Variants in RNFT2 observed in about 807,000 individuals in gnomAD.
RNFT2 encodes the protein ring finger protein, transmembrane 2.
In RNFT2, 36 loss-of-function variants were observed where a neutral mutation model predicts 53.0. That is an observed-to-expected ratio of 0.68 (90% confidence interval 0.52 to 0.90). RNFT2 has a LOEUF of 0.90. Ranked by LOEUF, RNFT2 falls within the 40% of genes least tolerant of loss-of-function variation. RNFT2 has a pLI of 0.00. For missense variants in RNFT2, 514 were observed against 585.6 expected (o/e 0.88, Z 1.26); for synonymous variants, 260 against 253.2 (o/e 1.03, Z -0.26).
At position 116,851,540 on chromosome 12, in the gene RNFT2, ACTAG is replaced by A. The variant is rs1481243867; in HGVS notation, c.*2094_*2097del. On this transcript the variant is annotated 3_prime_UTR_variant, in exon 11 of 11. Transcript: ENST00000257575. ...GGTCACCTGAGGTCAAGAGTTCAAG[ACTAG>A]CCTGGCCAACATGGCAAAACCCCCT... 7.3e-6 allele frequency: 4 copies of A among 551,682 alleles called. No individual in the cohort carries two copies. The Admixed American group carries it at 1.3e-4, about 17-fold the overall frequency. The allele number at this position is 551,682 out of a possible 1,614,324, so 34.2% of individuals were successfully genotyped here.
rs544246356 is a variant in RNFT2 at position 116,799,503 on chromosome 12, A to G, written c.882+20155A>G. Among the ~76,000 whole-genome samples, 6 of 152,312 alleles carry G rather than the reference A, an allele frequency of 3.9e-5. No individual in the cohort carries two copies. The South Asian group carries it at 1.2e-3, about 32-fold the overall frequency. On this transcript the variant is annotated intron_variant, in intron 7 of 10. Coordinates refer to ENST00000257575, the MANE Select transcript of RNFT2 (RefSeq NM_001382266.1). ...AGATGGGAAATTTTGCTGGGTGCCC[A>G]CCGCACTATCTCAGAGGGTTGTTGT...
intron 6 of RNFT2, among the ~76,000 whole-genome samples, chr12:116,770,724 A>T (rs1873134069): frequency 6.6e-6 from 1 of 151,806 alleles, no homozygotes; most frequent in Non-Finnish European, 1.5e-5. Flanking sequence ...TGCTCAGCTA[A>T]ATTTTTTTAT....
At chr12:116,819,970 G>A (rs1219135758) in intron 7 of RNFT2, among the ~76,000 whole-genome samples, 2 of 152,190 alleles carry the variant, frequency 1.3e-5, no homozygotes, top group Non-Finnish European at 2.9e-5. Context: ...TTAGCCTAAT[G>A]TGTCCAAAAT....
At chr12:116,818,038 A>G (rs751857298) in intron 7 of RNFT2, among the ~76,000 whole-genome samples, 2 of 152,236 alleles carry the variant, frequency 1.3e-5, no homozygotes, top group Admixed American at 6.5e-5. Flanking sequence ...GAAACGGGAA[A>G]GGGCTTTCTC....
At chr12:116,744,322 C>T (rs895679071) in intron 3 of RNFT2, among the ~76,000 whole-genome samples, 1 of 152,020 alleles carries the variant, frequency 6.6e-6, no homozygotes, top group African/African-American at 2.4e-5. Context: ...CTGTTGGAAC[C>T]TTTTCCGCCT....
intron 7 of RNFT2, among the ~76,000 whole-genome samples, chr12:116,818,718 T>A (rs1875826962): frequency 6.6e-6 from 1 of 152,218 alleles, no homozygotes; most frequent in Non-Finnish European, 1.5e-5. Context: ...GGCTCTGCTG[T>A]AGAGTCAAGT....
chr12:116,770,503 C>T (rs1018107559), intron 6 of RNFT2, among the ~76,000 whole-genome samples: 5 of 152,176 alleles, frequency 3.3e-5, no homozygotes, highest in African/African-American at 9.7e-5. Flanking sequence ...TTTCCCCCAT[C>T]TGATGAATGT....
chr12:116,849,050 C>G (rs1360221376), intron 10 of RNFT2, among the ~76,000 whole-genome samples: 8 of 152,252 alleles, frequency 5.3e-5, no homozygotes, highest in African/African-American at 1.4e-4. Context: ...AAACTCCTGC[C>G]TCAGGTGATC....
rs762013507 is a variant in RNFT2, at chr12:116,743,213, T to TAAA, written c.83+2148_83+2150dup. Among the ~76,000 whole-genome samples, 63 of 10,650 alleles carry TAAA rather than the reference T, an allele frequency of 5.9e-3. 3 individuals carry two copies. Among genetic ancestry groups the TAAA allele is most frequent in the South Asian group, 6.5e-3 (1 of 154 alleles). The allele number at this position is 10,650 out of a possible 152,430, so 7.0% of individuals were successfully genotyped here. A position where few individuals can be genotyped will look rare whatever the true frequency, so the allele number is the denominator to read the frequency against. On this transcript the variant is annotated intron_variant, in intron 3 of 10. Coordinates refer to ENST00000257575, the MANE Select transcript of RNFT2 (RefSeq NM_001382266.1). ...TGATTAATAGATACCAGGTAGAATC[T>TAAA]AAAAAAAAAAAAAAAAAAAAAAAAA...
At chr12:116,829,775 T>TTCAG in intron 7 of RNFT2, among the ~76,000 whole-genome samples, 1 of 152,242 alleles carries the variant, frequency 6.6e-6, no homozygotes, top group South Asian at 2.1e-4. Context: ...GAGACAGGGT[T>TTCAG]TCACCATGTT....
chr12:116,813,060 A>G (rs111625819), intron 7 of RNFT2, among the ~76,000 whole-genome samples: 4 of 152,224 alleles, frequency 2.6e-5, no homozygotes, highest in African/African-American at 9.6e-5. Flanking sequence ...GGCTCAAGCC[A>G]TCTTCCTGCC....
intron 6 of RNFT2, among the ~76,000 whole-genome samples, chr12:116,768,831 A>G (rs1228666664): frequency 6.6e-6 from 1 of 151,146 alleles, no homozygotes; most frequent in East Asian, 2.0e-4. Context: ...CCCAGGTTCA[A>G]GTGATTCTCC....
At chr12:116,744,328 C>T (rs1197745806) in intron 3 of RNFT2, among the ~76,000 whole-genome samples, 2 of 152,068 alleles carry the variant, frequency 1.3e-5, no homozygotes, top group Non-Finnish European at 2.9e-5. Flanking sequence ...GAACCTTTTC[C>T]GCCTCTAAAG....
intron 6 of RNFT2, among the ~76,000 whole-genome samples, chr12:116,774,934 A>AAGAGAG (rs113761307): frequency 7.4e-5 from 11 of 147,834 alleles, no homozygotes; most frequent in South Asian, 2.1e-4. Context: ...GGTGCACAGA[A>AAGAGAG]AGAGAGAGAG....
intron 7 of RNFT2, among the ~76,000 whole-genome samples, chr12:116,812,610 CT>C (rs1188157587): frequency 2.7e-5 from 4 of 150,390 alleles, no homozygotes; most frequent in Admixed American, 2.0e-4. Context: ...TCTCAGCTCA[CT>C]GCAACCTCCA....
chr12:116,841,958 T>TATAAATATATATATAA (rs1274083737), intron 10 of RNFT2, among the ~76,000 whole-genome samples: 4 of 6,380 alleles, frequency 6.3e-4, no homozygotes, highest in African/African-American at 2.6e-3. Flanking sequence ...AATATATATA[T>TATAAATATATATATAA]AGAGAGAGAG....
chr12:116,740,188 A>C (rs1871537766), intron 1 of RNFT2, among the ~76,000 whole-genome samples, 157 bp from the exon 2 acceptor site: 1 of 152,054 alleles, frequency 6.6e-6, no homozygotes, highest in Admixed American at 6.6e-5. Context: ...CGTCTTAAAA[A>C]AAAAAAAGGA....
At chr12:116,747,884 C>T (rs1871985993) in intron 3 of RNFT2, among the ~76,000 whole-genome samples, 2 of 152,066 alleles carry the variant, frequency 1.3e-5, no homozygotes, top group Admixed American at 1.3e-4. Context: ...TGTAGTGATT[C>T]CACTTGAAAA....
Position 116,750,171 on chromosome 12 carries a change from G to A in RNFT2, c.414G>A (p.Ser138=), listed in dbSNP as rs761745946. The part of the protein sequence containing the change: ...QHVGGDHRGH[S]EEGGDEQPGT... ...TGGGTGGGGACCACCGGGGGCACTCGGAGGAGGGAGGCGACGAGCAGCCTG... is the reference window on the plus strand; with the variant it reads ...TGGGTGGGGACCACCGGGGGCACTCAGAGGAGGGAGGCGACGAGCAGCCTG... Residue 138 remains serine (S), a synonymous_variant, in exon 4 of 11, where the codon TCG becomes TCA. Coordinates refer to ENST00000257575, the MANE Select transcript of RNFT2 (RefSeq NM_001382266.1). 6 of 1,594,570 alleles carry A rather than the reference G, an allele frequency of 3.8e-6. No homozygotes were observed. The highest frequency in any genetic ancestry group is 1.7e-5 in the Admixed American group (1 of 58,542).
Sources: allele counts gnomAD v4.1 joint callset (sites outside exome capture counted in the v4.1 genomes callset), GRCh38; gene constraint gnomAD v4.1.1; transcripts MANE v1.5; gene names NCBI Gene and HGNC (gene_info 2026-07-23, HGNC 2026-07-21).